KCNMB2: variants seen among roughly 807,000 people sequenced by gnomAD.
The protein encoded by KCNMB2 is potassium calcium-activated channel subfamily M regulatory beta subunit 2, also known as calcium-activated potassium channel subunit beta-2.
KCNMB2 carries 9 observed loss-of-function variants against 24.5 expected under a neutral mutation model. The observed-to-expected ratio is 0.37, with a 90% CI of 0.22 to 0.64. The LOEUF (loss-of-function observed/expected upper bound fraction) is 0.64. Among genes scored for constraint, KCNMB2 ranks in the 30% least tolerant of loss-of-function variants. The pLI is 0.63. For missense variants in KCNMB2, 226 were observed against 284.3 expected (o/e 0.79, Z 1.47); for synonymous variants, 109 against 104.4 (o/e 1.04, Z -0.27).
At chr3:178,690,023 C>A (rs1342030653) in intron 1 of KCNMB2, among the ~76,000 whole-genome samples, 1 of 151,988 alleles carries the variant, frequency 6.6e-6, no homozygotes, top group Non-Finnish European at 1.5e-5. Flanking sequence ...ATTAAAATCA[C>A]TGTATACACA....
chr3:178,749,542 T>C, intron 1 of KCNMB2, among the ~76,000 whole-genome samples: 1 of 152,200 alleles, frequency 6.6e-6, no homozygotes, highest in East Asian at 1.9e-4. Flanking sequence ...AGAGAGAAAA[T>C]TTAATCTAGA....
chr3:178,611,099 C>T (rs1019508383), intron 1 of KCNMB2, among the ~76,000 whole-genome samples: 1 of 152,140 alleles, frequency 6.6e-6, no homozygotes, highest in Admixed American at 6.5e-5. Flanking sequence ...AGCAGTGAAG[C>T]CATCAGGTCC....
chr3:178,841,567 C>T (rs1715431025), intron 4 of KCNMB2: 1 of 152,152 alleles, frequency 6.6e-6, no homozygotes, highest in African/African-American at 2.4e-5. Context: ...ATGGGAAGGC[C>T]TCAGGGAACT....
At chr3:178,616,063 C>G (rs1407556114) in intron 1 of KCNMB2, among the ~76,000 whole-genome samples, 1 of 152,000 alleles carries the variant, frequency 6.6e-6, no homozygotes, top group Non-Finnish European at 1.5e-5. Flanking sequence ...GTCTTCCCCA[C>G]TCTTCCCTTT....
intron 1 of KCNMB2, among the ~76,000 whole-genome samples, chr3:178,563,346 G>C (rs1716392133): frequency 6.6e-6 from 1 of 152,200 alleles, no homozygotes; most frequent in South Asian, 2.1e-4. Flanking sequence ...TTCACAGTCA[G>C]AGTTGTCCAA....
intron 1 of KCNMB2, among the ~76,000 whole-genome samples, chr3:178,618,733 C>T (rs1718803584): frequency 6.6e-6 from 1 of 152,146 alleles, no homozygotes; most frequent in Non-Finnish European, 1.5e-5. Context: ...CTTTTACTTA[C>T]ATAGTTTATT....
intron 1 of KCNMB2, among the ~76,000 whole-genome samples, chr3:178,791,490 T>C (rs1713321995): frequency 6.6e-6 from 1 of 152,052 alleles, no homozygotes; most frequent in Non-Finnish European, 1.5e-5. Context: ...ATCTGTAAAA[T>C]AGCCCCAAAA....
rs573476691 is a variant in KCNMB2, at chr3:178,701,473, G to GT, written c.-67-105863dup. Among the ~76,000 whole-genome samples the GT allele has an allele frequency of 3.0e-4, 46 of 152,152 alleles. 1 individual carries two copies. The South Asian group carries it at 7.7e-3, about 25-fold the overall frequency. ...TTGGTTTCATATGAACTTTAAAGTA[G>GT]TTTTTTTCCAATTCTGTGAAGAAAG... On this transcript the variant is annotated intron_variant, in intron 1 of 4. Coordinates refer to ENST00000452583, the MANE Select transcript of KCNMB2 (RefSeq NM_181361.3).
intron 1 of KCNMB2, among the ~76,000 whole-genome samples, chr3:178,678,748 TG>T (rs1248007356): frequency 6.6e-6 from 1 of 152,056 alleles, no homozygotes; most frequent in Non-Finnish European, 1.5e-5. Flanking sequence ...TGCCAGTGAG[TG>T]GTGAAGGGGA....
At chr3:178,781,271 T>C (rs904357243) in intron 1 of KCNMB2, among the ~76,000 whole-genome samples, 2 of 152,186 alleles carry the variant, frequency 1.3e-5, no homozygotes, top group Non-Finnish European at 2.9e-5. Flanking sequence ...TTGTTTTGTT[T>C]TGTTTACAGC....
At chr3:178,557,662 T>C (rs1468683648) in intron 1 of KCNMB2, among the ~76,000 whole-genome samples, 2 of 152,140 alleles carry the variant, frequency 1.3e-5, no homozygotes, top group African/African-American at 4.8e-5. Context: ...AATATTATAA[T>C]TGGGGAACAG....
chr3:178,602,624 G>A (rs1213772321), intron 1 of KCNMB2, among the ~76,000 whole-genome samples: 1 of 152,062 alleles, frequency 6.6e-6, no homozygotes, highest in Non-Finnish European at 1.5e-5. Context: ...GGAGGAGCCA[G>A]CCAGGTGGAA....
intron 1 of KCNMB2, among the ~76,000 whole-genome samples, chr3:178,679,165 G>GTAATGTA (rs1721181816): frequency 6.6e-6 from 1 of 151,974 alleles, no homozygotes; most frequent in Non-Finnish European, 1.5e-5. Context: ...TCTCCCAAAA[G>GTAATGTA]ATATACACTA....
At chr3:178,651,361 A>G (rs1720114622) in intron 1 of KCNMB2, among the ~76,000 whole-genome samples, 1 of 152,224 alleles carries the variant, frequency 6.6e-6, no homozygotes, top group Non-Finnish European at 1.5e-5. Context: ...ACAACTTACA[A>G]GGGATGTGAA....
At chr3:178,753,078 C>T (rs1363079033) in intron 1 of KCNMB2, among the ~76,000 whole-genome samples, 3 of 152,196 alleles carry the variant, frequency 2.0e-5, no homozygotes, top group Non-Finnish European at 4.4e-5. Context: ...CAGGTGCTTG[C>T]TCTCTGCATG....
At chr3:178,755,551 T>C (rs1267360709) in intron 1 of KCNMB2, among the ~76,000 whole-genome samples, 1 of 152,204 alleles carries the variant, frequency 6.6e-6, no homozygotes, top group Non-Finnish European at 1.5e-5. Context: ...TAAAACAAAA[T>C]GTCAATGTTA....
intron 1 of KCNMB2, among the ~76,000 whole-genome samples, chr3:178,771,728 C>T (rs1560015056): frequency 1.3e-5 from 2 of 152,040 alleles, no homozygotes; most frequent in Non-Finnish European, 2.9e-5. Context: ...ACAGTAAGCA[C>T]ATTATCACCT....
At chr3:178,607,773 A>G (rs1718328601) in intron 1 of KCNMB2, among the ~76,000 whole-genome samples, 1 of 152,166 alleles carries the variant, frequency 6.6e-6, no homozygotes, top group South Asian at 2.1e-4. Flanking sequence ...CTGAGTATCT[A>G]ACATAAGTAA....
chr3:178,819,523 C>T (rs999624299), intron 2 of KCNMB2, among the ~76,000 whole-genome samples: 11 of 151,702 alleles, frequency 7.3e-5, no homozygotes, highest in African/African-American at 2.7e-4. Context: ...CCACCCCCAT[C>T]CCAGCCATGC....
Sources: allele counts gnomAD v4.1 joint callset (sites outside exome capture counted in the v4.1 genomes callset), GRCh38; gene constraint gnomAD v4.1.1; transcripts MANE v1.5; gene names NCBI Gene and HGNC (gene_info 2026-07-23, HGNC 2026-07-21).